The following GLCE variants were observed in gnomAD, a reference collection of about 807,000 sequenced individuals.
GLCE encodes D-glucuronyl C5-epimerase.
Under a neutral mutation model 47.9 loss-of-function variants are expected in GLCE, and 19 were observed. The ratio of observed to expected loss-of-function variants is 0.40; its 90% CI spans 0.28 to 0.58. The LOEUF is 0.58. Among genes scored for constraint, GLCE ranks in the 20% least tolerant of loss-of-function variants. The pLI, the probability that GLCE is intolerant of heterozygous loss-of-function variation, is 0.48. For missense variants in GLCE, 556 were observed against 743.3 expected (o/e 0.75, Z 2.93); for synonymous variants, 245 against 263.4 (o/e 0.93, Z 0.68).
In GLCE at chr15:69,272,124, T is replaced by C. The variant is rs2140465127; in HGVS notation, c.*2880T>C. 1 of 152,798 alleles carries C rather than the reference T, an allele frequency of 6.5e-6. No individual in the cohort carries two copies. Among genetic ancestry groups the C allele is most frequent in the Non-Finnish European group, 1.5e-5 (1 of 68,036 alleles). 9.5% of individuals were successfully genotyped at this position (152,798 alleles called of 1,614,324 possible). On this transcript the variant is annotated 3_prime_UTR_variant, in exon 5 of 5. Transcript: ENST00000261858. ...TTTGCAGATGGAAAGGTATTTTGTT[T>C]CTATACAAAGTAAATGGATTGTTTG... is the stretch of plus-strand genomic sequence containing the variant.
intron 3 of GLCE, among the ~76,000 whole-genome samples, chr15:69,258,266 C>T (rs1349108329): frequency 3.9e-5 from 6 of 152,010 alleles, no homozygotes; most frequent in African/African-American, 1.2e-4. Flanking sequence ...TCTGTTCCTG[C>T]GTTGGTTTGC....
In GLCE at chr15:69,169,826, C is replaced by G. The variant is rs987137648; in HGVS notation, c.-105+9069C>G. ...CATTTGGGTTGGTTCCAAGTCTTTG[C>G]TATTGTGAATAGTGCCGCAATAAAC... is the stretch of plus-strand genomic sequence containing the variant. On this transcript the variant is annotated intron_variant, in intron 1 of 4. Transcript: ENST00000261858. Among the ~76,000 whole-genome samples, 16 of 152,198 alleles carry G rather than the reference C, an allele frequency of 1.1e-4. 1 individual carries two copies. The highest frequency in any genetic ancestry group is 3.9e-4 in the Admixed American group (6 of 15,280).
At chr15:69,206,315 AT>A (rs2052151559) in intron 1 of GLCE, among the ~76,000 whole-genome samples, 1 of 152,072 alleles carries the variant, frequency 6.6e-6, no homozygotes, top group Non-Finnish European at 1.5e-5. Flanking sequence ...TGATGACAGC[AT>A]TACTTGGCTA....
At chr15:69,241,765 T>G (rs915544371) in intron 2 of GLCE, among the ~76,000 whole-genome samples, 7 of 152,216 alleles carry the variant, frequency 4.6e-5, no homozygotes, top group South Asian at 2.1e-4. Context: ...TCAGAAACTG[T>G]GGGGTTTGTG....
intron 2 of GLCE, among the ~76,000 whole-genome samples, chr15:69,221,112 A>G (rs1205434040): frequency 6.6e-6 from 1 of 152,178 alleles, no homozygotes; most frequent in Non-Finnish European, 1.5e-5. Flanking sequence ...AGTGTATTCC[A>G]TTGATCTATA....
intron 2 of GLCE, among the ~76,000 whole-genome samples, chr15:69,222,362 C>T (rs1252923877): frequency 1.3e-5 from 2 of 152,162 alleles, no homozygotes; most frequent in African/African-American, 4.8e-5. Flanking sequence ...GCAGGAAGTG[C>T]TCCAGCAGGG....
chr15:69,239,163 A>C (rs2052632109), intron 2 of GLCE, among the ~76,000 whole-genome samples: 1 of 149,836 alleles, frequency 6.7e-6, no homozygotes, highest in Non-Finnish European at 1.5e-5. Flanking sequence ...AGAGGTGGCC[A>C]TGTGACTAAG....
intron 2 of GLCE, among the ~76,000 whole-genome samples, chr15:69,217,972 G>T (rs995161277): frequency 2.1e-4 from 32 of 151,488 alleles, no homozygotes; most frequent in African/African-American, 7.7e-4. Context: ...TGGCCAACAT[G>T]GTGAAACCCT....
At chr15:69,231,537 C>G (rs989711721) in intron 2 of GLCE, among the ~76,000 whole-genome samples, 4 of 152,078 alleles carry the variant, frequency 2.6e-5, no homozygotes, top group African/African-American at 9.7e-5. Flanking sequence ...CCTGCCTCAG[C>G]CTCCCAAAGT....
intron 2 of GLCE, among the ~76,000 whole-genome samples, chr15:69,211,057 T>A (rs1458450716): frequency 6.6e-6 from 1 of 152,122 alleles, no homozygotes; most frequent in East Asian, 1.9e-4. Flanking sequence ...TATTAGAGAT[T>A]TAAATATGCA....
At chr15:69,219,119 T>C (rs2052346201) in intron 2 of GLCE, among the ~76,000 whole-genome samples, 1 of 152,094 alleles carries the variant, frequency 6.6e-6, no homozygotes, top group Non-Finnish European at 1.5e-5. Context: ...TCATGTAGAA[T>C]TGTCAGTTGT....
chr15:69,174,728 T>C (rs1251327101), intron 1 of GLCE, among the ~76,000 whole-genome samples: 1 of 152,220 alleles, frequency 6.6e-6, no homozygotes, highest in African/African-American at 2.4e-5. Flanking sequence ...TTATTCACTG[T>C]CATCCCTTAC....
intron 4 of GLCE, among the ~76,000 whole-genome samples, chr15:69,263,199 G>A (rs2053037925): frequency 6.6e-6 from 1 of 152,088 alleles, no homozygotes; most frequent in African/African-American, 2.4e-5. Flanking sequence ...AAGGTGAGTT[G>A]GAGTTACATG....
In GLCE at chr15:69,189,694, G is replaced by T. The variant is rs183318671; in HGVS notation, c.-104-20622G>T. Among the ~76,000 whole-genome samples, 840 of 152,106 alleles carry T rather than the reference G, an allele frequency of 5.5e-3. 2 individuals are homozygous for T. Among genetic ancestry groups the T allele is most frequent in the Non-Finnish European group, 8.5e-3 (575 of 67,966 alleles). On this transcript the variant is annotated intron_variant, in intron 1 of 4. Transcript: ENST00000261858. Reference sequence around the variant, plus strand: ...GTTGACTTTTTTCTATTTCTTTTCTGTTGTACGTGTATGTTTTTCATTCCT... The same window carrying T: ...GTTGACTTTTTTCTATTTCTTTTCTTTTGTACGTGTATGTTTTTCATTCCT...
At chr15:69,211,361 G>T (rs748950677) in intron 2 of GLCE, among the ~76,000 whole-genome samples, 34 of 152,056 alleles carry the variant, frequency 2.2e-4, no homozygotes, top group South Asian at 8.3e-4. Flanking sequence ...ATAATATTTT[G>T]AGAGTGATGA....
intron 2 of GLCE, among the ~76,000 whole-genome samples, chr15:69,231,699 C>T (rs1377283423): frequency 6.6e-6 from 1 of 152,148 alleles, no homozygotes; most frequent in African/African-American, 2.4e-5. Context: ...TTCTCTAGAT[C>T]TTAAAGGACT....
intron 1 of GLCE, among the ~76,000 whole-genome samples, chr15:69,206,886 A>C (rs137876702): frequency 6.6e-6 from 1 of 152,040 alleles, no homozygotes; most frequent in African/African-American, 2.4e-5. Flanking sequence ...ATACATTTGT[A>C]TATTAATCAT....
intron 1 of GLCE, among the ~76,000 whole-genome samples, chr15:69,173,295 G>A (rs778738526): frequency 6.6e-6 from 1 of 152,216 alleles, no homozygotes; most frequent in African/African-American, 2.4e-5. Flanking sequence ...CAAAGTAATT[G>A]AAACATTGAG....
intron 1 of GLCE, among the ~76,000 whole-genome samples, chr15:69,177,173 C>T (rs2051680441): frequency 6.6e-6 from 1 of 152,234 alleles, no homozygotes; most frequent in South Asian, 2.1e-4. Flanking sequence ...GCATGCGCCA[C>T]CACACCCAGC....
Sources: gnomAD v4.1 joint callset for allele counts (sites outside exome capture counted in the v4.1 genomes callset) on GRCh38, gnomAD v4.1.1 for gene constraint, MANE v1.5 for transcripts, NCBI Gene and HGNC (gene_info 2026-07-23, HGNC 2026-07-21) for gene names.